The following INPP5A variants were observed in gnomAD, a reference collection of about 807,000 sequenced individuals.
The protein encoded by INPP5A is inositol polyphosphate-5-phosphatase A.
In INPP5A, 14 loss-of-function variants were observed where a neutral mutation model predicts 65.2. That is an observed-to-expected ratio of 0.21 (90% CI 0.14 to 0.34). The LOEUF is 0.34. Ranked by LOEUF, INPP5A falls within the 10% of genes least tolerant of loss-of-function variation. INPP5A has a pLI of 1.00. For synonymous variants in INPP5A, 207 were observed against 208.3 expected, an observed-to-expected ratio of 0.99 and a Z score of 0.05; for missense variants, 431 against 545.6, an observed-to-expected ratio of 0.79 and a Z score of 2.09.
At chr10:132,661,799 T>A (rs2072740330) in intron 4 of INPP5A, among the ~76,000 whole-genome samples, 2 of 152,208 alleles carry the variant, frequency 1.3e-5, no homozygotes, top group Non-Finnish European at 2.9e-5. Context: ...ATCTCAATAA[T>A]TAAATCAGTA....
chr10:132,554,430 G>A (rs1204152658), intron 1 of INPP5A, among the ~76,000 whole-genome samples: 2 of 152,166 alleles, frequency 1.3e-5, no homozygotes. Flanking sequence ...GGGCTTCAGA[G>A]GATCAGAGCC....
rs1016601417 is a variant in INPP5A, at chr10:132,769,731, C to T, written c.977+3885C>T. Among the ~76,000 whole-genome samples, 14 of 152,226 alleles carry T rather than the reference C, an allele frequency of 9.2e-5. 1 individual carries two copies. In the South Asian group the frequency reaches 1.0e-3, roughly 11 times the overall value. ...GCATTGGTCTGCCCGGCTCCCCAGA[C>T]GCCAAGGCCCTCAGGGCAGGATTGT... On this transcript the variant is annotated intron_variant, in intron 12 of 15. Coordinates refer to ENST00000368594, the MANE Select transcript of INPP5A (RefSeq NM_005539.5).
At chr10:132,681,528 C>T (rs1005634774) in intron 4 of INPP5A, among the ~76,000 whole-genome samples, 5 of 152,292 alleles carry the variant, frequency 3.3e-5, no homozygotes, top group Middle Eastern at 3.4e-3. Context: ...ACACTCACCG[C>T]GAGGGTCCGC....
At chr10:132,640,575 G>A (rs1472603751) in intron 2 of INPP5A, among the ~76,000 whole-genome samples, 1 of 152,238 alleles carries the variant, frequency 6.6e-6, no homozygotes, top group East Asian at 1.9e-4. Context: ...TCCAGGCTCT[G>A]ACTCCCGGCG....
At chr10:132,758,505 G>C (rs1479931409) in intron 11 of INPP5A, among the ~76,000 whole-genome samples, 78 of 104,350 alleles carry the variant, frequency 7.5e-4, no homozygotes, top group East Asian at 1.6e-3. Context: ...TGGCGTGGGT[G>C]CCCGGCCGAC....
chr10:132,547,811 C>T lies in INPP5A; in HGVS notation c.75+9640C>T, dbSNP rs557712482. ...CACCAAGTGAGTCCCAAGCTCCCTT[C>T]CTGTCATACTGTGCTTTACCGTGAC... On this transcript the variant is annotated intron_variant, in intron 1 of 15. Transcript: ENST00000368594. The surrounding 1 kb of genome is among the most constrained non-coding windows in gnomAD (Gnocchi z 5.5). Among the ~76,000 whole-genome samples, 1 of 152,304 alleles carries T rather than the reference C, an allele frequency of 6.6e-6. No individual in the cohort carries two copies. Among genetic ancestry groups the T allele is most frequent in the South Asian group, 2.1e-4 (1 of 4,824 alleles).
rs113568775 is a variant in INPP5A, at chr10:132,636,704, A to C, written c.118-9164A>C. Among the ~76,000 whole-genome samples, 1,294 of 152,328 alleles carry C rather than the reference A, an allele frequency of 8.5e-3. 16 individuals are homozygous for C. The highest frequency in any genetic ancestry group is 0.03 in the African/African-American group (1,237 of 41,564). On this transcript the variant is annotated intron_variant, in intron 2 of 15. Coordinates refer to ENST00000368594, the MANE Select transcript of INPP5A (RefSeq NM_005539.5). ...CCCTGCCTTCCTGGATTCCTCAGAA[A>C]GGGCTGATGGGGGCAAAATTTCCCA... is the stretch of plus-strand genomic sequence containing the variant.
At chr10:132,652,434 T>TCC (rs2072589484) in intron 4 of INPP5A, among the ~76,000 whole-genome samples, 1 of 152,158 alleles carries the variant, frequency 6.6e-6, no homozygotes, top group South Asian at 2.1e-4. Context: ...TCTTCATCAG[T>TCC]CCATGAAACT....
intron 1 of INPP5A, among the ~76,000 whole-genome samples, chr10:132,591,246 G>A (rs960929305): frequency 1.3e-5 from 2 of 151,662 alleles, no homozygotes; most frequent in African/African-American, 2.4e-5. Context: ...CCATGCCAAA[G>A]TTTAAAAAAA....
intron 4 of INPP5A, among the ~76,000 whole-genome samples, chr10:132,658,426 T>G (rs1434693637): frequency 2.0e-5 from 3 of 152,212 alleles, no homozygotes; most frequent in Non-Finnish European, 4.4e-5. Context: ...CCATCATAAT[T>G]TTTTGTACAT....
intron 8 of INPP5A, among the ~76,000 whole-genome samples, chr10:132,711,215 C>T (rs937758111): frequency 3.9e-5 from 6 of 152,100 alleles, no homozygotes; most frequent in African/African-American, 1.2e-4. Flanking sequence ...CCCAGTGCTC[C>T]GGGCTGCTCC....
intron 1 of INPP5A, among the ~76,000 whole-genome samples, chr10:132,589,979 C>T (rs928840321): frequency 1.3e-5 from 2 of 152,246 alleles, no homozygotes; most frequent in African/African-American, 4.8e-5. Context: ...CAATGCCATG[C>T]CAGGCCTCGG....
At chr10:132,609,382 G>A (rs2133342943) in intron 2 of INPP5A, among the ~76,000 whole-genome samples, 1 of 152,266 alleles carries the variant, frequency 6.6e-6, no homozygotes, top group East Asian at 1.9e-4. Context: ...GCACGTCGGG[G>A]GCCAGTGGCG....
At chr10:132,639,952 CTG>C (rs963431525) in intron 2 of INPP5A, among the ~76,000 whole-genome samples, 3 of 152,088 alleles carry the variant, frequency 2.0e-5, no homozygotes, top group African/African-American at 7.2e-5. Context: ...TTGAAATTTT[CTG>C]TCTTTTCATT....
intron 1 of INPP5A, among the ~76,000 whole-genome samples, chr10:132,557,505 A>T (rs1385932814): frequency 6.6e-6 from 1 of 152,262 alleles, no homozygotes; most frequent in Non-Finnish European, 1.5e-5. Flanking sequence ...GGCCGCTCTC[A>T]GCTGCTGGTT....
chr10:132,658,773 G>A (rs899693544), intron 4 of INPP5A, among the ~76,000 whole-genome samples: 6 of 130,668 alleles, frequency 4.6e-5, no homozygotes, highest in South Asian at 2.7e-4. Context: ...CTTTCCTTTC[G>A]AAAGGCCACC....
chr10:132,617,340 C>T (rs566948692), intron 2 of INPP5A, among the ~76,000 whole-genome samples: 1 of 152,308 alleles, frequency 6.6e-6, no homozygotes, highest in East Asian at 1.9e-4. Flanking sequence ...GCCCTTCTGC[C>T]TCCTGGTCTG....
At chr10:132,693,375 A>G (rs978964036) in intron 5 of INPP5A, among the ~76,000 whole-genome samples, 3 of 152,178 alleles carry the variant, frequency 2.0e-5, no homozygotes, top group African/African-American at 7.2e-5. Flanking sequence ...AAGGACAGAG[A>G]CTGTCAGAGT....
chr10:132,604,544 T>C (rs1293985933), intron 1 of INPP5A, among the ~76,000 whole-genome samples: 1 of 152,178 alleles, frequency 6.6e-6, no homozygotes, highest in Non-Finnish European at 1.5e-5. Context: ...TAATCTTCCT[T>C]ATGGTGTGTT....
Sources: allele counts gnomAD v4.1 joint callset (sites outside exome capture counted in the v4.1 genomes callset), GRCh38; gene constraint gnomAD v4.1.1; non-coding constraint Gnocchi (gnomAD v3.1); transcripts MANE v1.5; gene names NCBI Gene and HGNC (gene_info 2026-07-23, HGNC 2026-07-21).